SH3PXD2A: variants seen among roughly 807,000 people sequenced by gnomAD.
SH3PXD2A encodes SH3 and PX domains 2A.
In SH3PXD2A, 32 loss-of-function variants were observed where a neutral mutation model predicts 115.2. The observed-to-expected ratio is 0.28, with a 90% CI of 0.21 to 0.37. The LOEUF (loss-of-function observed/expected upper bound fraction) is 0.37. SH3PXD2A is among the 10% of genes least tolerant of loss of function. SH3PXD2A has a pLI of 1.00. For synonymous variants in SH3PXD2A, 610 were observed against 629.1 expected (o/e 0.97, Z 0.45); for missense variants, 1,328 against 1,498.7 (o/e 0.89, Z 1.88).
chr10:103,730,671 G>A (rs1489053181), intron 4 of SH3PXD2A, among the ~76,000 whole-genome samples: 1 of 152,098 alleles, frequency 6.6e-6, no homozygotes, highest in Non-Finnish European at 1.5e-5. Context: ...AGGAAGTTTT[G>A]TCTACTTGTG....
intron 4 of SH3PXD2A, among the ~76,000 whole-genome samples, chr10:103,727,937 G>A (rs1180538159): frequency 2.0e-5 from 3 of 152,232 alleles, no homozygotes; most frequent in South Asian, 2.1e-4. Flanking sequence ...GTGAGTCCCC[G>A]CAGCCTGGGC....
intron 1 of SH3PXD2A, among the ~76,000 whole-genome samples, chr10:103,827,192 A>C (rs879758764): frequency 6.6e-6 from 1 of 152,166 alleles, no homozygotes; most frequent in Non-Finnish European, 1.5e-5. Context: ...CAGCAAGTTC[A>C]TGTACACCAA....
intron 1 of SH3PXD2A, among the ~76,000 whole-genome samples, chr10:103,854,532 T>C (rs1385062844): frequency 6.6e-6 from 1 of 152,078 alleles, no homozygotes; most frequent in East Asian, 1.9e-4. Flanking sequence ...ATTCGCCTCC[T>C]CGTGTCTGGA....
At chr10:103,613,868 G>T (rs2133933069) in intron 11 of SH3PXD2A, among the ~76,000 whole-genome samples, 1 of 152,338 alleles carries the variant, frequency 6.6e-6, no homozygotes, top group Non-Finnish European at 1.5e-5. Context: ...TGGTGCCACT[G>T]CAGGGAGAGT....
intron 4 of SH3PXD2A, among the ~76,000 whole-genome samples, chr10:103,726,745 T>C (rs577737230): frequency 1.3e-5 from 2 of 152,304 alleles, no homozygotes; most frequent in East Asian, 3.9e-4. Flanking sequence ...TTAGTTATTC[T>C]CTGAGCTAGT....
intron 3 of SH3PXD2A, among the ~76,000 whole-genome samples, chr10:103,759,989 C>T (rs897329543): frequency 5.9e-5 from 9 of 152,214 alleles, no homozygotes; most frequent in African/African-American, 2.2e-4. Context: ...GCACTAACTG[C>T]TTTTTGTTTT....
chr10:103,787,922 A>G (rs1054917559), intron 2 of SH3PXD2A, among the ~76,000 whole-genome samples: 1 of 152,202 alleles, frequency 6.6e-6, no homozygotes, highest in Admixed American at 6.5e-5. Flanking sequence ...GCACCAGATC[A>G]AGGCTCCATA....
rs908565357 is a variant in SH3PXD2A at position 103,605,836 on chromosome 10, A to C, written c.1390T>G (p.Ser464Ala). ...CCACCCCGAAAGCTGATGCCATCGG[A>C]AATGCACGACTGGAATTCGGCAATG... is the stretch of plus-strand genomic sequence containing the variant. ...YTIAEFQSCI[S>A]DGISFRGGQK... The change falls in exon 14 of 15, where the codon TCC becomes GCC. Residue 464 changes from serine (S) to alanine (A), a missense_variant. This residue lies in a region of SH3PXD2A where 509 missense variants were observed against 628.3 expected (regional missense o/e 0.81). Transcript: ENST00000369774. 6.2e-7 allele frequency: 1 copy of C among 1,613,614 alleles called. No individual in the cohort carries two copies. The highest frequency in any genetic ancestry group is 1.3e-5 in the African/African-American group (1 of 74,912).
At chr10:103,662,346 G>GC (rs1041084641) in intron 7 of SH3PXD2A, among the ~76,000 whole-genome samples, 1 of 91,050 alleles carries the variant, frequency 1.1e-5, no homozygotes, top group Non-Finnish European at 2.1e-5. Context: ...ATTGGCGGGG[G>GC]GGGGGGCGGG....
In SH3PXD2A at chr10:103,627,117, G is replaced by A. The variant is rs372086803; in HGVS notation, c.690C>T (p.Ser230=). The change falls in exon 9 of 15, where the codon TCC becomes TCT. Residue 230 remains serine, a synonymous_variant. Transcript: ENST00000369774. This position sits in a 1 kb window ranked among gnomAD's most constrained non-coding sequence, Gnocchi z 4.4. The stretch of plus-strand genomic sequence containing the variant: ...CTCCAGTCTTAGAGGTGTTGATGTC[G>A]GAGTCATCCCGAGTACCATTCTGGG... ...LEAQNGTRDD[S]DINTSKTGEV... 5.0e-6 allele frequency: 8 copies of A among 1,611,502 alleles called. No homozygotes were observed. The Admixed American group carries it at 5.0e-5, about 10-fold the overall frequency.
intron 5 of SH3PXD2A, among the ~76,000 whole-genome samples, chr10:103,723,942 C>T (rs577295965): frequency 1.4e-4 from 22 of 152,266 alleles, no homozygotes; most frequent in South Asian, 6.2e-4. Flanking sequence ...TGAGTGGTCT[C>T]GATGGCATGA....
At position 103,627,215 on chromosome 10, in the gene SH3PXD2A, CAA is replaced by C. The variant is rs1184095949; in HGVS notation, c.605-15_605-14del. The C allele has an allele frequency of 6.6e-7, 1 of 1,505,024 alleles. No individual in the cohort carries two copies. Among genetic ancestry groups the C allele is most frequent in the Non-Finnish European group, 9.2e-7 (1 of 1,081,244 alleles). 93.2% of individuals were successfully genotyped at this position (1,505,024 alleles called of 1,614,324 possible). ...ACGAACCACCAGCCTGCAGGGAGGACAAGAGAGAACAGGACTGTGAGATTCTG... is the reference window on the plus strand; with the variant it reads ...ACGAACCACCAGCCTGCAGGGAGGACGAGAGAACAGGACTGTGAGATTCTG... On this transcript the variant is annotated splice_polypyrimidine_tract_variant and intron_variant, in intron 8 of 14. Coordinates refer to ENST00000369774, the MANE Select transcript of SH3PXD2A (RefSeq NM_001394015.1). This position sits in a 1 kb window ranked among gnomAD's most constrained non-coding sequence, Gnocchi z 4.4.
intron 5 of SH3PXD2A, among the ~76,000 whole-genome samples, chr10:103,700,485 G>C (rs2037879893): frequency 6.6e-6 from 1 of 152,188 alleles, no homozygotes; most frequent in Non-Finnish European, 1.5e-5. Flanking sequence ...GTGAGACCCT[G>C]GCTCTGTCAC....
intron 8 of SH3PXD2A, among the ~76,000 whole-genome samples, chr10:103,653,740 C>G (rs1425479060): frequency 1.3e-5 from 2 of 152,112 alleles, no homozygotes; most frequent in Non-Finnish European, 2.9e-5. Flanking sequence ...TTGGATGCCT[C>G]CCTGACAATA....
At chr10:103,775,615 T>G (rs1017667521) in intron 2 of SH3PXD2A, among the ~76,000 whole-genome samples, 7 of 152,118 alleles carry the variant, frequency 4.6e-5, no homozygotes. Context: ...AGCAGTGGGA[T>G]GGGAGTGATT....
chr10:103,661,588 A>T, intron 7 of SH3PXD2A: 1 of 914,966 alleles, frequency 1.1e-6, no homozygotes, highest in Non-Finnish European at 1.3e-6. Flanking sequence ...CCAGAGGCAA[A>T]GGAAAGGCAA....
intron 2 of SH3PXD2A, among the ~76,000 whole-genome samples, chr10:103,768,479 G>A (rs912570104): frequency 5.9e-5 from 9 of 152,210 alleles, no homozygotes; most frequent in African/African-American, 2.2e-4. Context: ...AGGATGAGAG[G>A]GACAGGCAAT....
intron 5 of SH3PXD2A, among the ~76,000 whole-genome samples, chr10:103,698,080 TG>T (rs928889439): frequency 4.5e-4 from 68 of 152,342 alleles, no homozygotes; most frequent in African/African-American, 1.5e-3. Context: ...ACTAGGGATT[TG>T]GCCACAAGGA....
intron 6 of SH3PXD2A, 100 bp from the exon 7 acceptor site, chr10:103,668,752 G>C (rs1344749110): frequency 9.2e-7 from 1 of 1,088,004 alleles, no homozygotes. Flanking sequence ...TGCAGGCGCC[G>C]CGCTCGGCCA....
Sources: allele counts gnomAD v4.1 joint callset (sites outside exome capture counted in the v4.1 genomes callset), GRCh38; gene constraint gnomAD v4.1.1; regional missense constraint gnomAD v4.1.1; non-coding constraint Gnocchi (gnomAD v3.1); transcripts MANE v1.5; gene names NCBI Gene and HGNC (gene_info 2026-07-23, HGNC 2026-07-21).